The following CHIT1 variants were observed in gnomAD, a reference collection of about 807,000 sequenced individuals.
CHIT1 encodes the protein chitinase 1.
CHIT1 carries 47 observed loss-of-function variants against 52.0 expected under a neutral mutation model. That is an observed-to-expected ratio of 0.90 (90% CI 0.71 to 1.15). The LOEUF (loss-of-function observed/expected upper bound fraction) is 1.15, where lower values mean the gene tolerates loss of function less well. Among genes scored for constraint, CHIT1 ranks in the 50% most tolerant of loss-of-function variants. The pLI, the probability that CHIT1 is intolerant of heterozygous loss-of-function variation, is 0.00. For synonymous variants in CHIT1, 242 were observed against 228.2 expected (o/e 1.06, Z -0.54); for missense variants, 569 against 583.0 (o/e 0.98, Z 0.25).
intron 2 of CHIT1, among the ~76,000 whole-genome samples, chr1:203,226,270 C>A (rs10920587): frequency 0.065 from 9,856 of 152,250 alleles, 513 homozygotes; most frequent in East Asian, 0.17. Context: ...TCCGAGCTCC[C>A]AGGATCAGGG....
chr1:203,219,370 C>G, intron 8 of CHIT1, 41 bp from the exon 9 acceptor site: 1 of 1,161,420 alleles, frequency 8.6e-7, no homozygotes, highest in Non-Finnish European at 1.3e-6. Context: ...AGGAGGGAGG[C>G]TCTTGCAGGC....
chr1:203,229,574 A>G (rs963597051), intron 1 of CHIT1, 38 bp downstream of exon 1: 5 of 1,612,982 alleles, frequency 3.1e-6, no homozygotes, highest in Non-Finnish European at 4.2e-6. Context: ...CCACCTCCCC[A>G]CAGCTCCCGA....
At position 203,228,549 on chromosome 1, in the gene CHIT1, C is replaced by T. The variant is rs1300535114; in HGVS notation, c.39G>A (p.Leu13=). 33 of 1,589,480 alleles carry T rather than the reference C, an allele frequency of 2.1e-5. No homozygotes were observed. The highest frequency in any genetic ancestry group is 2.5e-5 in the Non-Finnish European group (29 of 1,166,028). ...RSVAWAGFMV[L]LMIPWGSAAK... ...GCTACTTACCCCATGGGATCATCAG[C>T]AGGACCATGAAACCTGGAGCAACAC... The change falls in exon 2 of 11, where the codon CTG becomes CTA. Residue 13 remains leucine (L), a synonymous_variant. Transcript: ENST00000367229.
Position 203,219,219 on chromosome 1 carries a change from G to A in CHIT1, c.1026C>T (p.Thr342=), listed in dbSNP as rs1461866956. 1.3e-6 allele frequency: 2 copies of A among 1,564,918 alleles called. No individual in the cohort carries two copies. Among genetic ancestry groups the A allele is most frequent in the Non-Finnish European group, 1.8e-6 (2 of 1,135,066 alleles). Residue 342 remains threonine, a synonymous_variant, in exon 9 of 11, where the codon ACC becomes ACT. Coordinates refer to ENST00000367229, the MANE Select transcript of CHIT1 (RefSeq NM_003465.3). ...VGFDDVESFK[T]KVSYLKQKGL... ...TGCCAGCAGAGCTGGGCCTCACCTTGGTTTTGAAGCTCTCCACATCATCAA... is the reference window on the plus strand; with the variant it reads ...TGCCAGCAGAGCTGGGCCTCACCTTAGTTTTGAAGCTCTCCACATCATCAA...
At chr1:203,222,347 A>C in intron 6 of CHIT1, 22 bp from the exon 7 acceptor site, 1 of 1,614,106 alleles carries the variant, frequency 6.2e-7, no homozygotes, top group East Asian at 2.2e-5. Context: ...ATGGAAGAGG[A>C]GGTGAGAAAC....
chr1:203,223,038 TAG>T, intron 6 of CHIT1, 95 bp downstream of exon 6: 2 of 1,525,472 alleles, frequency 1.3e-6, no homozygotes, highest in Non-Finnish European at 1.8e-6. Context: ...AAATGCCTTG[TAG>T]ATGAACACCT....
intron 2 of CHIT1, among the ~76,000 whole-genome samples, chr1:203,227,183 T>G (rs533985044): frequency 6.6e-6 from 1 of 152,048 alleles, no homozygotes; most frequent in Non-Finnish European, 1.5e-5. Flanking sequence ...CCCGAGAGCA[T>G]GGAGGGCTGA....
At chr1:203,229,511 G>T in intron 1 of CHIT1, 101 bp downstream of exon 1, 1 of 1,380,924 alleles carries the variant, frequency 7.2e-7, no homozygotes, top group Non-Finnish European at 1.0e-6. Flanking sequence ...GTTCTCCTGA[G>T]TCCTCCTGCT....
chr1:203,229,240 A>T (rs923458156), intron 1 of CHIT1, among the ~76,000 whole-genome samples: 1 of 152,216 alleles, frequency 6.6e-6, no homozygotes, highest in African/African-American at 2.4e-5. Context: ...GGTTCTTGGC[A>T]GTGGGCGCTT....
chr1:203,218,014 G>C (rs1232980675), intron 9 of CHIT1, 149 bp from the exon 10 acceptor site: 2 of 1,534,506 alleles, frequency 1.3e-6, no homozygotes, highest in Admixed American at 3.9e-5. Flanking sequence ...GCCTTGGGCT[G>C]GGAGCCTGGA....
In CHIT1 at chr1:203,223,189, A is replaced by G; in HGVS notation, c.551T>C (p.Val184Ala). ...GKERLLLSAA[V>A]PAGQTYVDAG... Reference sequence around the variant, plus strand: ...ATCCACATAGGTCTGCCCAGCTGGAACCGCTGCACTCAGAAGAAGGCGTTC... The same window carrying G: ...ATCCACATAGGTCTGCCCAGCTGGAGCCGCTGCACTCAGAAGAAGGCGTTC... Residue 184 changes from valine to alanine, a missense_variant, in exon 6 of 11, where the codon GTT (valine) becomes GCT (alanine). Transcript: ENST00000367229. The G allele has an allele frequency of 6.2e-7, 1 of 1,614,142 alleles. No individual in the cohort carries two copies. The highest frequency in any genetic ancestry group is 8.5e-7 in the Non-Finnish European group (1 of 1,180,026).
chr1:203,223,080 C>G, intron 6 of CHIT1, 55 bp downstream of exon 6: 1 of 1,611,162 alleles, frequency 6.2e-7, no homozygotes, highest in South Asian at 1.1e-5. Context: ...TCAGTCTGCC[C>G]TTGGCCTCTC....
chr1:203,229,537 G>T, intron 1 of CHIT1, 75 bp downstream of exon 1: 1 of 1,552,188 alleles, frequency 6.4e-7, no homozygotes, highest in Non-Finnish European at 8.9e-7. Context: ...GCAAATGGTA[G>T]CAAGTGGTCC....
Position 203,216,835 on chromosome 1 carries a change from G to C in CHIT1, c.*54C>G. 4 of 1,611,688 alleles carry C rather than the reference G, an allele frequency of 2.5e-6. No individual in the cohort carries two copies. The highest frequency in any genetic ancestry group is 3.4e-6 in the Non-Finnish European group (4 of 1,179,366). ...CCAGGGAAAACCCAGGAGGCAGGCT[G>C]TAGAGTGATCCTGGGCCCAGCCTCA... On this transcript the variant is annotated 3_prime_UTR_variant, in exon 11 of 11. Transcript: ENST00000367229.
chr1:203,219,545 ATGGCCAGAATTCTCT>A (rs1656655425), intron 8 of CHIT1, 104 bp downstream of exon 8: 1 of 1,260,958 alleles, frequency 7.9e-7, no homozygotes, highest in Non-Finnish European at 1.2e-6. Context: ...TGGAATTTAC[ATGGCCAGAATTCTCT>A]GCAATTGGCA....
In CHIT1 at chr1:203,216,730, A is replaced by G. The variant is rs1012814171; in HGVS notation, c.*159T>C. 35 of 981,092 alleles carry G rather than the reference A, an allele frequency of 3.6e-5. 1 individual carries two copies. The highest frequency in any genetic ancestry group is 5.4e-5 in the Non-Finnish European group (34 of 632,230). 60.8% of individuals were successfully genotyped at this position (981,092 alleles called of 1,614,324 possible). A position where few individuals can be genotyped will look rare whatever the true frequency, so the allele number is the denominator to read the frequency against. ...AAGGGGCAGCCCAGGAGACCCAGAA[A>G]AAAGGAAGGCAAGGCTGAGAGCAGA... On this transcript the variant is annotated 3_prime_UTR_variant, in exon 11 of 11. Coordinates refer to ENST00000367229, the MANE Select transcript of CHIT1 (RefSeq NM_003465.3).
rs779311123 is a variant in CHIT1 at position 203,219,678 on chromosome 1, G to A, written c.901C>T (p.Leu301=). Residue 301 remains leucine, a synonymous_variant, in exon 8 of 11, where the codon CTG becomes TTG. Coordinates refer to ENST00000367229, the MANE Select transcript of CHIT1 (RefSeq NM_003465.3). ...GGTTTTCCTACTTCATAGTAGGCCA[G>A]CATCCCTCCTTCCTTGGTGAAGGGG... ...PGPFTKEGGM[L]AYYEVCSWKG... The A allele has an allele frequency of 8.7e-6, 14 of 1,614,038 alleles. No homozygotes were observed. In the East Asian group the frequency reaches 2.9e-4, roughly 33 times the overall value.
chr1:203,223,575 C>T lies in CHIT1; in HGVS notation c.400G>A (p.Gly134Ser), dbSNP rs374580719. The change falls in exon 5 of 11, where the codon GGC becomes AGC. Residue 134 changes from glycine (G) to serine (S), a missense_variant. Coordinates refer to ENST00000367229, the MANE Select transcript of CHIT1 (RefSeq NM_003465.3). ...IRFLRKYSFD[G>S]LDLDWEYPGS... ...GGGTACTCCCAGTCAAGGTCAAGGC[C>T]GTCAAAGCTGTATTTGCGCAGAAAC... is the stretch of plus-strand genomic sequence containing the variant. 4.5e-5 allele frequency: 73 copies of T among 1,614,190 alleles called. No homozygotes were observed. Among genetic ancestry groups the T allele is most frequent in the East Asian group, 1.3e-4 (6 of 44,884 alleles).
intron 2 of CHIT1, among the ~76,000 whole-genome samples, chr1:203,227,216 G>A (rs1008750516): frequency 2.0e-5 from 3 of 152,138 alleles, no homozygotes; most frequent in Admixed American, 6.5e-5. Context: ...ACGTGGCCCC[G>A]GAGTGGTCAC....
Sources: allele counts gnomAD v4.1 joint callset (sites outside exome capture counted in the v4.1 genomes callset), GRCh38; gene constraint gnomAD v4.1.1; transcripts MANE v1.5; gene names NCBI Gene and HGNC (gene_info 2026-07-23, HGNC 2026-07-21).